DSG4: variants seen among roughly 807,000 people sequenced by gnomAD.
DSG4 encodes desmoglein 4.
A neutral mutation model predicts 93.1 loss-of-function variants in DSG4; 87 were observed. The observed-to-expected ratio is 0.93, with a 90% CI of 0.79 to 1.12. DSG4 has a LOEUF of 1.12. Ranked by LOEUF, DSG4 falls within the 50% of genes most tolerant of loss-of-function variation. The pLI, the probability that DSG4 is intolerant of heterozygous loss-of-function variation, is 0.00. For synonymous variants in DSG4, 432 were observed against 452.9 expected (o/e 0.95, Z 0.59); for missense variants, 1,373 against 1,285.7 (o/e 1.07, Z -1.04).
chr18:31,403,668 A>G (rs779044351), intron 11 of DSG4, 34 bp downstream of exon 11: 79 of 1,602,948 alleles, frequency 4.9e-5, no homozygotes, highest in Middle Eastern at 1.7e-4. Flanking sequence ...TTTGGACTTT[A>G]AGTCCAAAAG....
intron 11 of DSG4, among the ~76,000 whole-genome samples, 170 bp downstream of exon 11, chr18:31,403,804 AT>A (rs2072396580): frequency 6.6e-6 from 1 of 152,350 alleles, no homozygotes; most frequent in Non-Finnish European, 1.5e-5. Context: ...ATTTGATAAA[AT>A]TTTGAACTGA....
In DSG4 at chr18:31,413,267, A is replaced by G. The variant is rs139102330; in HGVS notation, c.2795A>G (p.Asn932Ser). ...ATTTTTGATCCTCAGCTTGCACCCA[A>G]TGTTGTAGTAACCGAAGCAGTAATG... ...TIIFDPQLAPNVVVTEAVMAP... is the reference protein window; with the variant it reads ...TIIFDPQLAPSVVVTEAVMAP... Residue 932 changes from asparagine to serine, a missense_variant, in exon 16 of 16, where the codon AAT (asparagine) becomes AGT (serine). By Grantham distance (46) the Asn-to-Ser change is conservative (BLOSUM62 1). Coordinates refer to ENST00000308128, the MANE Select transcript of DSG4 (RefSeq NM_177986.5). 1.7e-3 allele frequency: 2,788 copies of G among 1,614,128 alleles called. 7 individuals carry two copies. The highest frequency in any genetic ancestry group is 3.3e-3 in the South Asian group (299 of 91,080).
At chr18:31,390,942 A>T in intron 6 of DSG4, 120 bp downstream of exon 6, 9 of 1,497,266 alleles carry the variant, frequency 6.0e-6, no homozygotes, top group Non-Finnish European at 8.1e-6. Flanking sequence ...ATCCATTTTT[A>T]ATAAAAATTA....
rs540743124 is a variant in DSG4 at position 31,404,635 on chromosome 18, G to T, written c.1636+1001G>T. The stretch of plus-strand genomic sequence containing the variant: ...CAGAATGGAGAAACCCTAAAATAAG[G>T]TGGGGAAAATACCACCAATAAAGTA... On this transcript the variant is annotated intron_variant, in intron 11 of 15. Coordinates refer to ENST00000308128, the MANE Select transcript of DSG4 (RefSeq NM_177986.5). Among the ~76,000 whole-genome samples the T allele has an allele frequency of 1.9e-4, 29 of 152,238 alleles. 1 individual carries two copies. In the South Asian group the frequency reaches 5.8e-3, roughly 30 times the overall value.
intron 1 of DSG4, among the ~76,000 whole-genome samples, chr18:31,379,162 G>C (rs557041846): frequency 7.9e-4 from 120 of 152,298 alleles, no homozygotes; most frequent in African/African-American, 2.8e-3. Flanking sequence ...AGACAGGGGT[G>C]GTGAGGGACA....
intron 3 of DSG4, among the ~76,000 whole-genome samples, chr18:31,387,031 G>A (rs1358651388): frequency 6.6e-6 from 1 of 152,124 alleles, no homozygotes; most frequent in African/African-American, 2.4e-5. Flanking sequence ...TAGAAGAAAG[G>A]GCTGGATCTC....
At chr18:31,405,960 A>C in intron 11 of DSG4, 117 bp from the exon 12 acceptor site, 1 of 1,114,014 alleles carries the variant, frequency 9.0e-7, no homozygotes, top group South Asian at 1.3e-5. Flanking sequence ...TTTATGACTA[A>C]GAAAGCATGA....
intron 8 of DSG4, among the ~76,000 whole-genome samples, chr18:31,394,450 G>A (rs868300006): frequency 6.9e-6 from 1 of 145,982 alleles, no homozygotes; most frequent in Non-Finnish European, 1.5e-5. Flanking sequence ...GGTGACACAT[G>A]TCTGTAATCC....
intron 14 of DSG4, 76 bp from the exon 15 acceptor site, chr18:31,411,155 G>T: frequency 1.2e-6 from 2 of 1,613,974 alleles, no homozygotes; most frequent in Non-Finnish European, 1.7e-6. Context: ...CACCGCAGAC[G>T]GCGGCGGCAG....
chr18:31,399,313 C>G lies in DSG4; in HGVS notation c.1047C>G (p.Ile349Met). 1 of 1,613,968 alleles carries G rather than the reference C, an allele frequency of 6.2e-7. No individual in the cohort carries two copies. Among genetic ancestry groups the G allele is most frequent in the Non-Finnish European group, 8.5e-7 (1 of 1,179,918 alleles). Reference protein sequence around the residue: ...YEQAPNIQLSIGVKNQADFHY... With the variant: ...YEQAPNIQLSMGVKNQADFHY... Reference sequence around the variant, plus strand: ...AAGCACCTAACATTCAGCTTAGTATCGGAGTTAAAAACCAAGCTGATTTTC... The same window carrying G: ...AAGCACCTAACATTCAGCTTAGTATGGGAGTTAAAAACCAAGCTGATTTTC... Residue 349 changes from isoleucine to methionine, a missense_variant, in exon 9 of 16, where the codon ATC becomes ATG. Ile to Met is a conservative substitution (Grantham distance 10). Coordinates refer to ENST00000308128, the MANE Select transcript of DSG4 (RefSeq NM_177986.5).
chr18:31,383,675 T>C (rs141488912), intron 1 of DSG4, among the ~76,000 whole-genome samples: 1 of 152,256 alleles, frequency 6.6e-6, no homozygotes, highest in African/African-American at 2.4e-5. Flanking sequence ...AGCGTGCACC[T>C]GAACTTGAGG....
rs919391203 is a variant in DSG4 at position 31,414,488 on chromosome 18, C to T, written c.*893C>T. 2 of 152,174 alleles carry T rather than the reference C, an allele frequency of 1.3e-5. No individual in the cohort carries two copies. Among genetic ancestry groups the T allele is most frequent in the African/African-American group, 4.8e-5 (2 of 41,446 alleles). The allele number at this position is 152,174 out of a possible 1,614,324, so 9.4% of individuals were successfully genotyped here. ...TCTCCAAAAGCACTCTGTAGTTATT[C>T]ATATATTCTACAATATTTACTTAGA... On this transcript the variant is annotated 3_prime_UTR_variant, in exon 16 of 16. Transcript: ENST00000308128.
chr18:31,400,204 C>A (rs973229863), intron 9 of DSG4, among the ~76,000 whole-genome samples: 2 of 152,140 alleles, frequency 1.3e-5, no homozygotes, highest in African/African-American at 2.4e-5. Flanking sequence ...TTAGAGTAAA[C>A]GAAGTCTACT....
At chr18:31,394,049 G>A (rs1371714653) in intron 8 of DSG4, among the ~76,000 whole-genome samples, 2 of 152,072 alleles carry the variant, frequency 1.3e-5, no homozygotes, top group Admixed American at 1.3e-4. Context: ...ATGATCCAGA[G>A]GTCCTCACCT....
intron 5 of DSG4, among the ~76,000 whole-genome samples, 191 bp from the exon 6 acceptor site, chr18:31,390,465 G>C (rs2072235155): frequency 6.6e-6 from 1 of 152,056 alleles, no homozygotes; most frequent in Admixed American, 6.6e-5. Flanking sequence ...AAACAGTAAA[G>C]GGTTTTATAA....
chr18:31,386,557 T>A, intron 2 of DSG4, 131 bp from the exon 3 acceptor site: 1 of 1,401,018 alleles, frequency 7.1e-7, no homozygotes, highest in Non-Finnish European at 9.9e-7. Context: ...TGTGAATTGG[T>A]GAAAACATTC....
chr18:31,390,958 T>C, intron 6 of DSG4, 120 bp from the exon 7 acceptor site: 1 of 1,506,194 alleles, frequency 6.6e-7, no homozygotes, highest in Non-Finnish European at 9.0e-7. Flanking sequence ...AATTAAAAGC[T>C]CAATTATATA....
At chr18:31,385,082 G>T (rs2144166103) in intron 1 of DSG4, 54 bp from the exon 2 acceptor site, 1 of 1,418,504 alleles carries the variant, frequency 7.0e-7, no homozygotes, top group African/African-American at 1.4e-5. Context: ...TTATGACATG[G>T]CTTCCTCTAA....
intron 2 of DSG4, 108 bp downstream of exon 2, chr18:31,385,279 T>TA (rs2072175572): frequency 1.2e-6 from 1 of 843,378 alleles, no homozygotes; most frequent in South Asian, 2.1e-5. Flanking sequence ...ATTATCCAGG[T>TA]AAAAGTTAAG....
Sources: gnomAD v4.1 joint callset for allele counts (sites outside exome capture counted in the v4.1 genomes callset) on GRCh38, gnomAD v4.1.1 for gene constraint, MANE v1.5 for transcripts, NCBI Gene and HGNC (gene_info 2026-07-23, HGNC 2026-07-21) for gene names.